The following PXDNL variants were observed in gnomAD, a reference collection of about 807,000 sequenced individuals.
PXDNL encodes peroxidasin like, also known as probable oxidoreductase PXDNL.
A neutral mutation model predicts 150.8 loss-of-function variants in PXDNL; 145 were observed. The observed-to-expected ratio is 0.96, with a 90% CI of 0.84 to 1.10. The LOEUF is 1.10. Among genes scored for constraint, PXDNL ranks in the 50% least tolerant of loss-of-function variants. The pLI is 0.00. For synonymous variants in PXDNL, 757 were observed against 725.7 expected (o/e 1.04, Z -0.69); for missense variants, 2,087 against 1,873.9 (o/e 1.11, Z -2.10).
chr8:51,491,829 T>G (rs992940350), intron 5 of PXDNL, among the ~76,000 whole-genome samples: 1 of 152,258 alleles, frequency 6.6e-6, no homozygotes, highest in Non-Finnish European at 1.5e-5. Flanking sequence ...TGGAGTCCCA[T>G]GTCTTTTGAA....
chr8:51,567,808 T>C (rs951791694), intron 3 of PXDNL, among the ~76,000 whole-genome samples: 1 of 151,778 alleles, frequency 6.6e-6, no homozygotes, highest in African/African-American at 2.4e-5. Flanking sequence ...CATTTACATA[T>C]AACCTATGCA....
At chr8:51,377,440 G>A (rs879585591) in intron 17 of PXDNL, among the ~76,000 whole-genome samples, 6 of 152,266 alleles carry the variant, frequency 3.9e-5, no homozygotes, top group East Asian at 1.9e-4. Context: ...CTTTCAGCCC[G>A]CCGCCGCACT....
At chr8:51,708,984 G>A (rs1816440763) in intron 1 of PXDNL, among the ~76,000 whole-genome samples, 1 of 151,994 alleles carries the variant, frequency 6.6e-6, no homozygotes, top group Non-Finnish European at 1.5e-5. Flanking sequence ...GACATGTTTG[G>A]GGATTCCAGC....
At chr8:51,589,533 T>C (rs1200904670) in intron 3 of PXDNL, among the ~76,000 whole-genome samples, 1 of 152,212 alleles carries the variant, frequency 6.6e-6, no homozygotes, top group East Asian at 1.9e-4. Flanking sequence ...GCCATTCTCA[T>C]GAGGTCTCAG....
intron 3 of PXDNL, among the ~76,000 whole-genome samples, chr8:51,573,194 T>C (rs1756010986): frequency 6.6e-6 from 1 of 151,980 alleles, no homozygotes; most frequent in South Asian, 2.1e-4. Flanking sequence ...AAAAGTCAAC[T>C]GGGGATCCTA....
chr8:51,646,966 G>A lies in PXDNL; in HGVS notation c.236+7723C>T, dbSNP rs567343625. ...GAGCCGATGGCCTGGGAGTGCAAAT[G>A]TCTATTACTACTGGTACTTCAGCAC... On this transcript the variant is annotated intron_variant, in intron 2 of 22. Coordinates refer to ENST00000356297, the MANE Select transcript of PXDNL (RefSeq NM_144651.5). 2.6e-5 allele frequency among the ~76,000 whole-genome samples: 4 copies of A among 152,212 alleles called. 1 individual carries two copies. The South Asian group carries it at 8.3e-4, about 32-fold the overall frequency.
chr8:51,704,981 A>G (rs1816345766), intron 1 of PXDNL, among the ~76,000 whole-genome samples: 1 of 152,258 alleles, frequency 6.6e-6, no homozygotes, highest in Non-Finnish European at 1.5e-5. Flanking sequence ...TACTGGAGCC[A>G]TTCAAGTAAT....
At chr8:51,374,567 A>G in intron 18 of PXDNL, 30 bp downstream of exon 18, 1 of 1,608,088 alleles carries the variant, frequency 6.2e-7, no homozygotes, top group East Asian at 2.2e-5. Flanking sequence ...CTTTTGTGAT[A>G]TTTAATAAGT....
chr8:51,636,299 G>A (rs1328806293), intron 2 of PXDNL, among the ~76,000 whole-genome samples: 2 of 152,048 alleles, frequency 1.3e-5, no homozygotes, highest in Non-Finnish European at 2.9e-5. Context: ...TGACAAAGAT[G>A]CCTATTTTCA....
At chr8:51,807,673 A>G (rs2037692157) in intron 1 of PXDNL, among the ~76,000 whole-genome samples, 2 of 152,234 alleles carry the variant, frequency 1.3e-5, no homozygotes, top group Admixed American at 1.3e-4. Flanking sequence ...TTTTAAACAT[A>G]GTGGAAGGCT....
At chr8:51,562,773 C>T (rs1284937901) in intron 3 of PXDNL, among the ~76,000 whole-genome samples, 1 of 151,946 alleles carries the variant, frequency 6.6e-6, no homozygotes, top group Non-Finnish European at 1.5e-5. Context: ...GGTTTCTAAC[C>T]TACCATGGGA....
chr8:51,472,151 G>A (rs1312225370), intron 8 of PXDNL, 36 bp downstream of exon 8: 1 of 1,335,284 alleles, frequency 7.5e-7, no homozygotes, highest in Non-Finnish European at 1.1e-6. Context: ...GGAATCAGAA[G>A]GAGAATCACA....
chr8:51,326,346 A>G (rs928433519), intron 21 of PXDNL, among the ~76,000 whole-genome samples: 4 of 152,128 alleles, frequency 2.6e-5, no homozygotes, highest in Admixed American at 6.5e-5. Flanking sequence ...AAAAATACAA[A>G]AATTAGCCAA....
intron 2 of PXDNL, among the ~76,000 whole-genome samples, chr8:51,649,322 A>C (rs1814987183): frequency 6.6e-6 from 1 of 152,226 alleles, no homozygotes; most frequent in African/African-American, 2.4e-5. Context: ...AAGTCGGCAA[A>C]TAACACACGT....
At chr8:51,731,085 C>T (rs1478879030) in intron 1 of PXDNL, among the ~76,000 whole-genome samples, 1 of 152,178 alleles carries the variant, frequency 6.6e-6, no homozygotes, top group African/African-American at 2.4e-5. Flanking sequence ...AACAGTCTCC[C>T]AAAGTCTTTA....
intron 2 of PXDNL, among the ~76,000 whole-genome samples, chr8:51,652,931 GC>G (rs1815072002): frequency 6.6e-6 from 1 of 152,008 alleles, no homozygotes; most frequent in Non-Finnish European, 1.5e-5. Context: ...CCAAAAAGTG[GC>G]CAAACCCCAA....
chr8:51,409,993 G>A (rs1808581506), intron 16 of PXDNL, among the ~76,000 whole-genome samples: 2 of 152,186 alleles, frequency 1.3e-5, no homozygotes, highest in South Asian at 4.2e-4. Flanking sequence ...TTACAAGAAC[G>A]ATGTTGGCAA....
intron 1 of PXDNL, among the ~76,000 whole-genome samples, chr8:51,727,908 T>C (rs1033517428): frequency 1.3e-5 from 2 of 152,282 alleles, no homozygotes; most frequent in Non-Finnish European, 2.9e-5. Context: ...TTAAATAGAT[T>C]CTGTTAAATT....
At chr8:51,581,894 T>C (rs969145434) in intron 3 of PXDNL, among the ~76,000 whole-genome samples, 2 of 152,202 alleles carry the variant, frequency 1.3e-5, no homozygotes, top group Non-Finnish European at 2.9e-5. Flanking sequence ...TGCTTATTCA[T>C]ATGCCTGTTC....
Sources: gnomAD v4.1 joint callset for allele counts (sites outside exome capture counted in the v4.1 genomes callset) on GRCh38, gnomAD v4.1.1 for gene constraint, MANE v1.5 for transcripts, NCBI Gene and HGNC (gene_info 2026-07-23, HGNC 2026-07-21) for gene names.